Variants in GET1 observed in about 807,000 individuals in gnomAD.
GET1 encodes the protein guided entry of tail-anchored proteins factor 1, also known as congenital heart disease 5 protein.
A neutral mutation model predicts 22.6 loss-of-function variants in GET1; 20 were observed. That is an observed-to-expected ratio of 0.89 (90% CI 0.62 to 1.29). The LOEUF (loss-of-function observed/expected upper bound fraction) is 1.29. Among genes scored for constraint, GET1 ranks in the 50% most tolerant of loss-of-function variants. The pLI is 0.00. For synonymous variants in GET1, 92 were observed against 83.8 expected, an observed-to-expected ratio of 1.10 and a Z score of -0.53; for missense variants, 209 against 219.9, an observed-to-expected ratio of 0.95 and a Z score of 0.31.
chr21:39,425,079 A>G lies in GET1; in HGVS notation c.*24-3153A>G, dbSNP rs140631305. Among the ~76,000 whole-genome samples, 449 of 152,326 alleles carry G rather than the reference A, an allele frequency of 2.9e-3. 4 individuals carry two copies. The highest frequency in any genetic ancestry group is 9.7e-3 in the African/African-American group (405 of 41,572). On this transcript the variant is annotated intron_variant, in intron 1 of 1. Transcript: ENST00000478273. Reference sequence around the variant, plus strand: ...TGTGTGCACCTGTGTATGTAAATGTATATGTGGTGTGCAAGTGTATGTATT... The same window carrying G: ...TGTGTGCACCTGTGTATGTAAATGTGTATGTGGTGTGCAAGTGTATGTATT...
rs553712185 is a variant in GET1 at position 39,390,042 on chromosome 21, G to GTTT, written c.103-638_103-636dup. Among the ~76,000 whole-genome samples the GTTT allele has an allele frequency of 5.3e-3, 699 of 130,862 alleles. 4 individuals are homozygous for GTTT. The highest frequency in any genetic ancestry group is 0.019 in the African/African-American group (645 of 34,404). The allele number at this position is 130,862 out of a possible 152,430, so 85.9% of individuals were successfully genotyped here. On this transcript the variant is annotated intron_variant, in intron 1 of 4. Coordinates refer to ENST00000649170, the MANE Select transcript of GET1 (RefSeq NM_004627.6). Reference sequence around the variant, plus strand: ...AGTTTGAATAGCAATTTGAATATGAGTTTTTTTTTTTTTTTTTTTTGTGGT... The same window carrying GTTT: ...AGTTTGAATAGCAATTTGAATATGAGTTTTTTTTTTTTTTTTTTTTTTTGTGGT...
At chr21:39,399,570 G>A (rs35166528), downstream of GET1, among the ~76,000 whole-genome samples, 1,133 of 152,074 alleles carry the variant, frequency 7.5e-3, 13 homozygotes, top group African/African-American at 0.026. Flanking sequence ...TCAGCCTCCC[G>A]AGTAGCTGGG....
At chr21:39,383,535 G>T (rs2037699539) in intron 1 of GET1, among the ~76,000 whole-genome samples, 1 of 152,034 alleles carries the variant, frequency 6.6e-6, no homozygotes, top group Non-Finnish European at 1.5e-5. Flanking sequence ...GCCCACCTTG[G>T]CCTCCCAAAG....
intron 1 of GET1, among the ~76,000 whole-genome samples, chr21:39,414,736 C>CTGTGTGTG (rs1445537335): frequency 6.8e-4 from 63 of 92,264 alleles, no homozygotes; most frequent in Non-Finnish European, 8.4e-4. Flanking sequence ...CTCTCTCTCT[C>CTGTGTGTG]TCTCTCTGTG....
In GET1 at chr21:39,391,773, A is replaced by G; in HGVS notation, c.273A>G (p.Lys91=). The G allele has an allele frequency of 6.2e-7, 1 of 1,614,132 alleles. No homozygotes were observed. Among genetic ancestry groups the G allele is most frequent in the Non-Finnish European group, 8.5e-7 (1 of 1,180,004 alleles). Residue 91 remains lysine, a synonymous_variant, in exon 3 of 5, where the codon AAA becomes AAG. Coordinates refer to ENST00000649170, the MANE Select transcript of GET1 (RefSeq NM_004627.6). The stretch of plus-strand genomic sequence containing the variant: ...TTATCCTGTTTTTCCTTTCAGTGAA[A>G]GCTCGGACAGCTCAATTAGCCAAGA... ...KMTDKLKTHV[K]ARTAQLAKIK...
intron 1 of GET1, among the ~76,000 whole-genome samples, chr21:39,414,551 C>T (rs552568257): frequency 6.6e-5 from 10 of 152,240 alleles, no homozygotes; most frequent in African/African-American, 1.7e-4. Flanking sequence ...GATTTCTAGT[C>T]CTATATGCTC....
intron 1 of GET1, chr21:39,423,592 A>G (rs1816449621): frequency 3.3e-6 from 3 of 912,508 alleles, no homozygotes; most frequent in African/African-American, 3.4e-5. Context: ...CACACACACC[A>G]CACACATACA....
chr21:39,413,544 T>C (rs572529674), intron 1 of GET1, among the ~76,000 whole-genome samples: 6 of 152,238 alleles, frequency 3.9e-5, no homozygotes, highest in Admixed American at 6.5e-5. Flanking sequence ...AAAATTAGTT[T>C]ATTATCAGAG....
chr21:39,391,977 T>A, intron 3 of GET1, 141 bp downstream of exon 3: 1 of 720,518 alleles, frequency 1.4e-6, no homozygotes, highest in Non-Finnish European at 2.4e-6. Context: ...CATGGAGCTC[T>A]AAACACTCTC....
At chr21:39,406,274 C>T in exon 5 of GET1, 3 of 1,614,228 alleles carry the variant, frequency 1.9e-6, no homozygotes, top group Non-Finnish European at 2.5e-6. Flanking sequence ...GCTGGCCCCC[C>T]TGAAGCAGGA....
At chr21:39,409,451 G>A (rs1307956076), downstream of GET1, among the ~76,000 whole-genome samples, 2 of 152,158 alleles carry the variant, frequency 1.3e-5, no homozygotes, top group African/African-American at 2.4e-5. The surrounding 1 kb of genome is among the most constrained non-coding windows in gnomAD (Gnocchi z 4.2). Context: ...CCAAGACGGT[G>A]GTGGTTTCTG....
At chr21:39,383,904 C>A (rs2037720557) in intron 1 of GET1, among the ~76,000 whole-genome samples, 1 of 152,172 alleles carries the variant, frequency 6.6e-6, no homozygotes, top group African/African-American at 2.4e-5. Flanking sequence ...CCATGCTGGG[C>A]TAATTTTTGT....
At chr21:39,421,687 C>T (rs764122352) in intron 1 of GET1, 2 of 152,146 alleles carry the variant, frequency 1.3e-5, no homozygotes, top group Non-Finnish European at 2.9e-5. Flanking sequence ...TCCATTATAA[C>T]AGCAGTACTT....
At chr21:39,424,532 ATC>A (rs1394678108) in intron 1 of GET1, among the ~76,000 whole-genome samples, 1 of 152,198 alleles carries the variant, frequency 6.6e-6, no homozygotes, top group Non-Finnish European at 1.5e-5. Context: ...CTAAGTGCTT[ATC>A]ATATGTCAGG....
At chr21:39,403,629 A>AT (rs34455597) in intron 4 of GET1, among the ~76,000 whole-genome samples, 50 of 138,710 alleles carry the variant, frequency 3.6e-4, no homozygotes, top group African/African-American at 1.2e-3. Flanking sequence ...TTTTATTTTT[A>AT]TTTTTTTTTT....
intron 1 of GET1, among the ~76,000 whole-genome samples, chr21:39,385,185 C>G (rs1470106242): frequency 1.3e-5 from 2 of 152,136 alleles, no homozygotes; most frequent in African/African-American, 4.8e-5. Context: ...GGGCCGCGCT[C>G]AGGTACTTAG....
downstream of GET1, among the ~76,000 whole-genome samples, chr21:39,408,939 T>C (rs2039585924): frequency 6.6e-6 from 1 of 152,214 alleles, no homozygotes; most frequent in African/African-American, 2.4e-5. Flanking sequence ...AATTTGCTAC[T>C]CAGTTTTTCA....
downstream of GET1, among the ~76,000 whole-genome samples, chr21:39,407,415 T>C (rs1352516129): frequency 6.6e-6 from 1 of 152,220 alleles, no homozygotes; most frequent in Non-Finnish European, 1.5e-5. Flanking sequence ...TTTGGCAGTA[T>C]CAAGATTTTA....
intron 1 of GET1, chr21:39,421,999 CAAT>C: frequency 6.6e-6 from 1 of 152,136 alleles, no homozygotes; most frequent in South Asian, 2.1e-4. Flanking sequence ...AAGATGAATA[CAAT>C]ATTACCTAAA....
Sources: allele counts gnomAD v4.1 joint callset (sites outside exome capture counted in the v4.1 genomes callset), GRCh38; gene constraint gnomAD v4.1.1; non-coding constraint Gnocchi (gnomAD v3.1); transcripts MANE v1.5; gene names NCBI Gene and HGNC (gene_info 2026-07-23, HGNC 2026-07-21).